Variants in GEMIN4 observed in about 807,000 individuals in gnomAD.
GEMIN4 encodes gem-associated protein 4.
In GEMIN4, 59 loss-of-function variants were observed where a neutral mutation model predicts 76.8. The observed-to-expected ratio is 0.77, with a 90% CI of 0.62 to 0.95. The LOEUF is 0.95. Among genes scored for constraint, GEMIN4 ranks in the 40% least tolerant of loss-of-function variants. The pLI is 0.00. For synonymous variants in GEMIN4, 562 were observed against 559.7 expected (o/e 1.00, Z -0.06); for missense variants, 1,311 against 1,318.9 (o/e 0.99, Z 0.09).
Position 746,142 on chromosome 17 carries a change from G to A in GEMIN4, c.1901C>T (p.Pro634Leu), listed in dbSNP as rs374700498. The stretch of plus-strand genomic sequence containing the variant: ...CACTGGAATCCCTTGGGGTTTCACG[G>A]GACTCATCAGGCAGTTCAGGAGCTC... ...FLELLNCLMS[P>L]VKPQGIPVAA... The change falls in exon 2 of 2, where the codon CCC becomes CTC. Residue 634 changes from proline to leucine, a missense_variant. Transcript: ENST00000319004. This position sits in a 1 kb window ranked among gnomAD's most constrained non-coding sequence, Gnocchi z 4.3. 1.9e-6 allele frequency: 3 copies of A among 1,613,814 alleles called. No individual in the cohort carries two copies. Among genetic ancestry groups the A allele is most frequent in the Admixed American group, 3.3e-5 (2 of 60,002 alleles).
intron 1 of GEMIN4, 198 bp downstream of exon 1, chr17:751,935 A>C (rs1345516309): frequency 2.6e-6 from 1 of 388,164 alleles, no homozygotes; most frequent in Non-Finnish European, 4.5e-6. Context: ...AGGCGGCAAG[A>C]CGCGGCCCAA....
upstream of GEMIN4, chr17:754,047 A>G (rs1904883382): frequency 6.6e-6 from 1 of 152,260 alleles, no homozygotes; most frequent in South Asian, 2.1e-4. Context: ...TTTAGAAACA[A>G]TGGAGCAGAT....
intron 1 of GEMIN4, among the ~76,000 whole-genome samples, chr17:749,503 G>A (rs1904524277): frequency 7.0e-6 from 1 of 143,022 alleles, no homozygotes; most frequent in South Asian, 2.3e-4. Context: ...AATGGGCACA[G>A]AGCAATCACA....
chr17:745,891 T>G lies in GEMIN4; in HGVS notation c.2152A>C (p.Lys718Gln). 6.2e-7 allele frequency: 1 copy of G among 1,612,916 alleles called. No homozygotes were observed. The highest frequency in any genetic ancestry group is 1.1e-5 in the South Asian group (1 of 91,052). The change falls in exon 2 of 2, where the codon AAG becomes CAG. Residue 718 changes from lysine (K) to glutamine (Q), a missense_variant. Physicochemically the swap from Lys to Gln is moderately conservative, Grantham distance 53. This residue lies in a region of GEMIN4 where 1,208 missense variants were observed against 1,166.9 expected (regional missense o/e 1.04). Coordinates refer to ENST00000319004, the MANE Select transcript of GEMIN4 (RefSeq NM_015721.3). The surrounding 1 kb of genome is among the most constrained non-coding windows in gnomAD (Gnocchi z 4.6). ...TTCCTATCCAAAGAGAGGCACCGCT[T>G]CTCCTTGGGAAGCTGCCAGTATTTG... ...FSKYWQLPKEKRCLSLDRKDL... is the reference protein window; with the variant it reads ...FSKYWQLPKEQRCLSLDRKDL...
chr17:750,836 A>G (rs1412008992), intron 1 of GEMIN4, among the ~76,000 whole-genome samples: 2 of 152,178 alleles, frequency 1.3e-5, no homozygotes, highest in African/African-American at 4.8e-5. Flanking sequence ...CTCATCTCAC[A>G]GTGGCTGAGA....
Position 745,115 on chromosome 17 carries a change from CAG to C in GEMIN4, c.2926_2927del (p.Leu976ValfsTer23). 1.9e-6 allele frequency: 3 copies of C among 1,611,154 alleles called. No individual in the cohort carries two copies. The highest frequency in any genetic ancestry group is 2.5e-6 in the Non-Finnish European group (3 of 1,178,718). On this transcript the variant is annotated frameshift_variant, in exon 2 of 2. Coordinates refer to ENST00000319004, the MANE Select transcript of GEMIN4 (RefSeq NM_015721.3). LOFTEE classifies it high-confidence loss of function. The surrounding 1 kb of genome is among the most constrained non-coding windows in gnomAD (Gnocchi z 4.6). Reference protein sequence around the residue: ...GPEQDLTQEALFVYTQVFCHA... With the variant: ...GPEQDLTQEAXFVYTQVFCHA... ...GGCAGAACACCTGGGTGTAAACAAA[CAG>C]GGCTTCCTGGGTCAGGTCCTGCTCT...
chr17:745,903 G>T lies in GEMIN4; in HGVS notation c.2140C>A (p.Leu714Ile), dbSNP rs201006353. Residue 714 changes from leucine to isoleucine, a missense_variant, in exon 2 of 2, where the codon CTT becomes ATT. Leu to Ile is a conservative substitution (Grantham distance 5, BLOSUM62 2). Around this residue, in one of 2 missense-constraint regions of GEMIN4, gnomAD observed 1,208 missense variants for 1,166.9 expected, o/e 1.04. Transcript: ENST00000319004. The surrounding 1 kb of genome is among the most constrained non-coding windows in gnomAD (Gnocchi z 4.6). ...GAGAGGCACCGCTTCTCCTTGGGAA[G>T]CTGCCAGTATTTGCTGAAGCGGTCC... ...LLDRFSKYWQ[L>I]PKEKRCLSLD... 335 of 1,613,058 alleles carry T rather than the reference G, an allele frequency of 2.1e-4. 1 individual carries two copies. The highest frequency in any genetic ancestry group is 5.0e-4 in the Middle Eastern group (3 of 6,034).
chr17:749,807 A>C lies in GEMIN4; in HGVS notation c.11-1775T>G, dbSNP rs1904561876. On this transcript the variant is annotated intron_variant, in intron 1 of 1. Coordinates refer to ENST00000319004, the MANE Select transcript of GEMIN4 (RefSeq NM_015721.3). ...ACAAGCCCTGCCTTCACTCTTTATA[A>C]ACTTGCCTTGGGAACAGGCTTCAAA... is the stretch of plus-strand genomic sequence containing the variant. 1.0e-5 allele frequency: 10 copies of C among 996,694 alleles called. No individual in the cohort carries two copies. The South Asian group carries it at 3.0e-4, about 30-fold the overall frequency. The allele number at this position is 996,694 out of a possible 1,614,324, so 61.7% of individuals were successfully genotyped here.
At chr17:751,120 T>C (rs995667176) in intron 1 of GEMIN4, among the ~76,000 whole-genome samples, 1 of 152,234 alleles carries the variant, frequency 6.6e-6, no homozygotes, top group Non-Finnish European at 1.5e-5. Flanking sequence ...GGTTAACTAG[T>C]GCTTGCCACA....
Position 744,559 on chromosome 17 carries a change from C to A in GEMIN4, c.*307G>T, listed in dbSNP as rs1230147254. The A allele has an allele frequency of 1.1e-5, 3 of 267,732 alleles. No homozygotes were observed. Among genetic ancestry groups the A allele is most frequent in the Admixed American group, 4.9e-5 (1 of 20,548 alleles). The allele number at this position is 267,732 out of a possible 1,614,324, so 16.6% of individuals were successfully genotyped here. ...GATTTGATCTTGAAGACACTAAACC[C>A]AATTTCAGAGCATATTTAATCCTGG... On this transcript the variant is annotated 3_prime_UTR_variant, in exon 2 of 2. Coordinates refer to ENST00000319004, the MANE Select transcript of GEMIN4 (RefSeq NM_015721.3).
At chr17:751,003 T>C (rs564770032) in intron 1 of GEMIN4, among the ~76,000 whole-genome samples, 18 of 152,326 alleles carry the variant, frequency 1.2e-4, no homozygotes, top group African/African-American at 2.9e-4. Context: ...GAGCAGATGT[T>C]TGGCCCTAAA....
chr17:746,131 G>C lies in GEMIN4; in HGVS notation c.1912C>G (p.Gln638Glu). Residue 638 changes from glutamine to glutamate, a missense_variant, in exon 2 of 2, where the codon CAA becomes GAA. Gln to Glu is a conservative substitution (Grantham distance 29, BLOSUM62 2). Transcript: ENST00000319004. The surrounding 1 kb of genome is among the most constrained non-coding windows in gnomAD (Gnocchi z 4.3). ...AGAAGAGCAGCCACTGGAATCCCTT[G>C]GGGTTTCACGGGACTCATCAGGCAG... Reference protein sequence around the residue: ...LNCLMSPVKPQGIPVAALLEP... With the variant: ...LNCLMSPVKPEGIPVAALLEP... 6.2e-7 allele frequency: 1 copy of C among 1,613,956 alleles called. No homozygotes were observed. The highest frequency in any genetic ancestry group is 8.5e-7 in the Non-Finnish European group (1 of 1,179,882).
At chr17:751,891 C>G in intron 1 of GEMIN4, 1 of 380,510 alleles carries the variant, frequency 2.6e-6, no homozygotes, top group Non-Finnish European at 4.7e-6. Context: ...TCTAACTTCA[C>G]GTCTGCTCCG....
At position 747,247 on chromosome 17, in the gene GEMIN4, G is replaced by C. The variant is rs1182400859; in HGVS notation, c.796C>G (p.Leu266Val). 1 of 1,613,710 alleles carries C rather than the reference G, an allele frequency of 6.2e-7. No individual in the cohort carries two copies. Among genetic ancestry groups the C allele is most frequent in the Non-Finnish European group, 8.5e-7 (1 of 1,179,878 alleles). Residue 266 changes from leucine (L) to valine (V), a missense_variant, in exon 2 of 2, where the codon CTG becomes GTG. Leu to Val is a conservative substitution (Grantham distance 32). Coordinates refer to ENST00000319004, the MANE Select transcript of GEMIN4 (RefSeq NM_015721.3). The part of the protein sequence containing the change: ...DPQEVSATVY[L>V]DKLATVISVW... The stretch of plus-strand genomic sequence containing the variant: ...GAGATCACCGTGGCCAGTTTGTCCA[G>C]ATACACGGTTGCAGACACCTCCTGG...
rs762555788 is a variant in GEMIN4, at chr17:745,856, C to T, written c.2187G>A (p.Ala729=). Residue 729 remains alanine (A), a synonymous_variant, in exon 2 of 2, where the codon GCG becomes GCA. Transcript: ENST00000319004. The surrounding 1 kb of genome is among the most constrained non-coding windows in gnomAD (Gnocchi z 4.6). ...CACACAGGAGCTCCAGGATATGGATCGCTAGATCCTTCCTATCCAAAGAGA... is the reference window on the plus strand; with the variant it reads ...CACACAGGAGCTCCAGGATATGGATTGCTAGATCCTTCCTATCCAAAGAGA... ...RCLSLDRKDL[A]IHILELLCEI... is the part of the protein sequence containing the mutation. 8.2e-5 allele frequency: 132 copies of T among 1,612,702 alleles called. No individual in the cohort carries two copies. The highest frequency in any genetic ancestry group is 1.1e-4 in the Non-Finnish European group (124 of 1,179,814).
In GEMIN4 at chr17:744,702, T is replaced by A. The variant is rs1029963646; in HGVS notation, c.*164A>T. 5 of 645,026 alleles carry A rather than the reference T, an allele frequency of 7.8e-6. No homozygotes were observed. Among genetic ancestry groups the A allele is most frequent in the Non-Finnish European group, 1.3e-5 (5 of 389,836 alleles). The allele number at this position is 645,026 out of a possible 1,614,324, so 40.0% of individuals were successfully genotyped here. On this transcript the variant is annotated 3_prime_UTR_variant, in exon 2 of 2. Transcript: ENST00000319004. Reference sequence around the variant, plus strand: ...TATTTTCTTTACACCATTATTGCCATGACTTTTTGTGGACAGTTTCACATA... The same window carrying A: ...TATTTTCTTTACACCATTATTGCCAAGACTTTTTGTGGACAGTTTCACATA...
Position 747,565 on chromosome 17 carries a change from A to C in GEMIN4, c.478T>G (p.Phe160Val), listed in dbSNP as rs757260414. ...ATCACCTCCCACCAGACGTCCAGGA[A>C]GAAGGCCACGTCTTCGGCAGAAGTG... is the stretch of plus-strand genomic sequence containing the variant. ...VDTSAEDVAFFLDVWWEVMKH... is the reference protein window; with the variant it reads ...VDTSAEDVAFVLDVWWEVMKH... Residue 160 changes from phenylalanine to valine, a missense_variant, in exon 2 of 2, where the codon TTC (phenylalanine) becomes GTC (valine). Phe to Val is a conservative substitution (Grantham distance 50). Around this residue, in one of 2 missense-constraint regions of GEMIN4, gnomAD observed 1,208 missense variants for 1,166.9 expected, o/e 1.04. Transcript: ENST00000319004. 4 of 1,613,928 alleles carry C rather than the reference A, an allele frequency of 2.5e-6. No individual in the cohort carries two copies. Among genetic ancestry groups the C allele is most frequent in the Non-Finnish European group, 3.4e-6 (4 of 1,179,892 alleles).
chr17:752,375 CT>C, upstream of GEMIN4: 1 of 977,164 alleles, frequency 1.0e-6, no homozygotes, highest in East Asian at 3.3e-5. Context: ...CCCACCAGCC[CT>C]CAGGTACCCG....
Position 746,831 on chromosome 17 carries a change from A to C in GEMIN4, c.1212T>G (p.Ala404=). 1 of 1,613,716 alleles carries C rather than the reference A, an allele frequency of 6.2e-7. No homozygotes were observed. Residue 404 remains alanine (A), a synonymous_variant, in exon 2 of 2, where the codon GCT becomes GCG. Coordinates refer to ENST00000319004, the MANE Select transcript of GEMIN4 (RefSeq NM_015721.3). This position sits in a 1 kb window ranked among gnomAD's most constrained non-coding sequence, Gnocchi z 4.3. Reference sequence around the variant, plus strand: ...GCTGGATGACGGCCATGGCAATGGAAGCTGTGATATCCTCCAAGGCCCTGT... The same window carrying C: ...GCTGGATGACGGCCATGGCAATGGACGCTGTGATATCCTCCAAGGCCCTGT... ...LKNRALEDIT[A]SIAMAVIQQK...
Sources: allele counts gnomAD v4.1 joint callset (sites outside exome capture counted in the v4.1 genomes callset), GRCh38; gene constraint gnomAD v4.1.1; regional missense constraint gnomAD v4.1.1; non-coding constraint Gnocchi (gnomAD v3.1); transcripts MANE v1.5; gene names NCBI Gene and HGNC (gene_info 2026-07-23, HGNC 2026-07-21).